Variants in SLC23A1 observed in about 807,000 individuals in gnomAD.
SLC23A1 encodes the protein solute carrier family 23 member 1.
A neutral mutation model predicts 62.5 loss-of-function variants in SLC23A1; 31 were observed. The observed-to-expected ratio is 0.50, with a 90% CI of 0.37 to 0.67. The LOEUF is 0.67. Among genes scored for constraint, SLC23A1 ranks in the 30% least tolerant of loss-of-function variants. SLC23A1 has a pLI of 0.00. For synonymous variants in SLC23A1, 271 were observed against 313.2 expected, an observed-to-expected ratio of 0.87 and a Z score of 1.42; for missense variants, 640 against 782.7, an observed-to-expected ratio of 0.82 and a Z score of 2.18.
upstream of SLC23A1, among the ~76,000 whole-genome samples, chr5:139,385,450 A>G (rs938839209): frequency 1.3e-5 from 2 of 152,154 alleles, no homozygotes; most frequent in African/African-American, 4.8e-5. Context: ...CAGAGTGTGG[A>G]AAATGAACAG....
At chr5:139,368,803 A>G in intron 14 of SLC23A1, 1 of 1,604,898 alleles carries the variant, frequency 6.2e-7, no homozygotes, top group Non-Finnish European at 8.5e-7. Context: ...ATTTGAGTAG[A>G]CGGGGCCCTC....
chr5:139,379,859 C>T lies in SLC23A1; in HGVS notation c.769-25G>A. The stretch of plus-strand genomic sequence containing the variant: ...TCTGAAGGAGGGGGGTGAGGGGGCA[C>T]TGAAGGCACTGGAGGTCTCTGTCCA... On this transcript the variant is annotated intron_variant, in intron 7 of 14. Coordinates refer to ENST00000348729, the MANE Select transcript of SLC23A1 (RefSeq NM_005847.5). This position sits in a 1 kb window ranked among gnomAD's most constrained non-coding sequence, Gnocchi z 4.7. 1 of 1,614,038 alleles carries T rather than the reference C, an allele frequency of 6.2e-7. No homozygotes were observed. Among genetic ancestry groups the T allele is most frequent in the Non-Finnish European group, 8.5e-7 (1 of 1,179,956 alleles).
rs1487065223 is a variant in SLC23A1, at chr5:139,382,538, A to C, written c.104T>G (p.Ile35Ser). 1 of 1,613,576 alleles carries C rather than the reference A, an allele frequency of 6.2e-7. No individual in the cohort carries two copies. Among genetic ancestry groups the C allele is most frequent in the Non-Finnish European group, 8.5e-7 (1 of 1,179,760 alleles). ...TEPKFDMLYK[I>S]EDVPPWYLCI... ...CAGGTACCAAGGTGGCACGTCCTCG[A>C]TCTTGTACAACATGTCAAACTTAGG... Residue 35 changes from isoleucine (I) to serine (S), a missense_variant, in exon 2 of 15, where the codon ATC becomes AGC. By Grantham distance (142) the Ile-to-Ser change is moderately radical. Coordinates refer to ENST00000348729, the MANE Select transcript of SLC23A1 (RefSeq NM_005847.5).
intron 14 of SLC23A1, among the ~76,000 whole-genome samples, chr5:139,368,074 G>T (rs765130924): frequency 2.0e-5 from 3 of 152,182 alleles, no homozygotes; most frequent in Admixed American, 1.3e-4. Context: ...GGTGGCTTAC[G>T]CCTGTAATCC....
rs1208046215 is a variant in SLC23A1, at chr5:139,378,745, T to A, written c.1074-61A>T. The A allele has an allele frequency of 1.6e-6, 2 of 1,282,678 alleles. No individual in the cohort carries two copies. The highest frequency in any genetic ancestry group is 2.2e-6 in the Non-Finnish European group (2 of 900,542). The allele number at this position is 1,282,678 out of a possible 1,614,324, so 79.5% of individuals were successfully genotyped here. A position where few individuals can be genotyped will look rare whatever the true frequency, so the allele number is the denominator to read the frequency against. On this transcript the variant is annotated intron_variant, in intron 9 of 14. Transcript: ENST00000348729. The surrounding 1 kb of genome is among the most constrained non-coding windows in gnomAD (Gnocchi z 4.5). ...CTCTGCACCAGTCTGTGTTCCCCCA[T>A]CATCTTAGCAAGCTGCCGTCCTCTG...
In SLC23A1 at chr5:139,379,111, G is replaced by T; in HGVS notation, c.1073+96C>A. 7.7e-7 allele frequency: 1 copy of T among 1,297,766 alleles called. No individual in the cohort carries two copies. Among genetic ancestry groups the T allele is most frequent in the Non-Finnish European group, 1.1e-6 (1 of 908,080 alleles). 80.4% of individuals were successfully genotyped at this position (1,297,766 alleles called of 1,614,324 possible). On this transcript the variant is annotated intron_variant, in intron 9 of 14. Transcript: ENST00000348729. The surrounding 1 kb of genome is among the most constrained non-coding windows in gnomAD (Gnocchi z 4.7). Reference sequence around the variant, plus strand: ...GAGGTCTGGAGCGTGTTCCCGACTTGCCTAAGCCTACCCCCTGGGCCTCCA... The same window carrying T: ...GAGGTCTGGAGCGTGTTCCCGACTTTCCTAAGCCTACCCCCTGGGCCTCCA...
At position 139,379,510 on chromosome 5, in the gene SLC23A1, GC is replaced by G; in HGVS notation, c.926-157del. ...TGGGAGCTTATTTGAGTCACTCAGA[GC>G]CAGGAAGTGGGACTGAAGCTTTGTC... is the stretch of plus-strand genomic sequence containing the variant. On this transcript the variant is annotated intron_variant, in intron 8 of 14. Coordinates refer to ENST00000348729, the MANE Select transcript of SLC23A1 (RefSeq NM_005847.5). The surrounding 1 kb of genome is among the most constrained non-coding windows in gnomAD (Gnocchi z 4.7). 1 of 1,016,864 alleles carries G rather than the reference GC, an allele frequency of 9.8e-7. No homozygotes were observed. The highest frequency in any genetic ancestry group is 1.5e-6 in the Non-Finnish European group (1 of 660,008). The allele number at this position is 1,016,864 out of a possible 1,614,324, so 63.0% of individuals were successfully genotyped here.
intron 14 of SLC23A1, chr5:139,369,103 G>C (rs1359452265): frequency 4.5e-6 from 1 of 221,204 alleles, no homozygotes. Flanking sequence ...GTCTTTTTTT[G>C]AGGCTAATCT....
At chr5:139,370,470 CTTTATTTATTTATTTATTTA>C (rs70982775) in intron 14 of SLC23A1, among the ~76,000 whole-genome samples, 1 of 140,200 alleles carries the variant, frequency 7.1e-6, no homozygotes, top group African/African-American at 2.6e-5. Context: ...CGCACCCAGC[CTTTATTTATTTATTTATTTA>C]TTTATTTATT....
chr5:139,385,303 A>G (rs1427588438), upstream of SLC23A1, among the ~76,000 whole-genome samples: 1 of 152,240 alleles, frequency 6.6e-6, no homozygotes, highest in Non-Finnish European at 1.5e-5. Context: ...TCCCAGACCT[A>G]GGTGGGGTCC....
At chr5:139,372,830 G>A (rs528076404) in intron 13 of SLC23A1, among the ~76,000 whole-genome samples, 1 of 152,166 alleles carries the variant, frequency 6.6e-6, no homozygotes, top group South Asian at 2.1e-4. Context: ...TGATCTGCCT[G>A]GCTTGGCCTC....
Position 139,367,972 on chromosome 5 carries a change from G to C in SLC23A1, c.*20-341C>G, listed in dbSNP as rs145937119. On this transcript the variant is annotated intron_variant, in intron 14 of 14. Transcript: ENST00000348729. ...TAGTCCCAGCATTTTAGGAGGCCGA[G>C]GCAGGCAGATCACGAGGTCAGATCA... 3.0e-3 allele frequency among the ~76,000 whole-genome samples: 462 copies of C among 152,242 alleles called. 2 individuals are homozygous for C. Among genetic ancestry groups the C allele is most frequent in the Middle Eastern group, 6.8e-3 (2 of 294 alleles).
At position 139,379,336 on chromosome 5, in the gene SLC23A1, G is replaced by A. The variant is rs749501846; in HGVS notation, c.944C>T (p.Thr315Met). 1.7e-5 allele frequency: 27 copies of A among 1,614,036 alleles called. No individual in the cohort carries two copies. The Admixed American group carries it at 2.0e-4, about 12-fold the overall frequency. Residue 315 changes from threonine to methionine, a missense_variant, in exon 9 of 15, where the codon ACG (threonine) becomes ATG (methionine). Coordinates refer to ENST00000348729, the MANE Select transcript of SLC23A1 (RefSeq NM_005847.5). The surrounding 1 kb of genome is among the most constrained non-coding windows in gnomAD (Gnocchi z 4.7). The part of the protein sequence containing the change: ...IPYPCQWGLP[T>M]VTAAAVLGMF... ...TCCCAGGACAGCAGCCGCAGTCACCGTGGGCAGGCCCCACTGACCTGTGCT... is the reference window on the plus strand; with the variant it reads ...TCCCAGGACAGCAGCCGCAGTCACCATGGGCAGGCCCCACTGACCTGTGCT...
In SLC23A1 at chr5:139,378,355, C is replaced by T. The variant is rs772648129; in HGVS notation, c.1180-4G>A. On this transcript the variant is annotated splice_region_variant and splice_polypyrimidine_tract_variant and intron_variant, in intron 10 of 14. Transcript: ENST00000348729. The surrounding 1 kb of genome is among the most constrained non-coding windows in gnomAD (Gnocchi z 4.5). ...GCACCACGCGCCGGCTGCCCACCTG[C>T]CGGGGAGCCAGCGGGGAAGCTAGAC... 4.5e-6 allele frequency: 7 copies of T among 1,558,678 alleles called. No homozygotes were observed. Among genetic ancestry groups the T allele is most frequent in the Non-Finnish European group, 6.1e-6 (7 of 1,152,078 alleles).
chr5:139,378,013 G>A lies in SLC23A1; in HGVS notation c.1415C>T (p.Pro472Leu). 6.2e-7 allele frequency: 1 copy of A among 1,614,002 alleles called. No individual in the cohort carries two copies. The highest frequency in any genetic ancestry group is 1.6e-4 in the Middle Eastern group (1 of 6,062). ...GCCAGGGTTGGACTCCAGGTAATTG[G>A]GCAGCGTGAGCCCGAAGAACATGGA... Reference protein sequence around the residue: ...GFSMFFGLTLPNYLESNPGAI... With the variant: ...GFSMFFGLTLLNYLESNPGAI... Residue 472 changes from proline to leucine, a missense_variant, in exon 12 of 15, where the codon CCC becomes CTC. Coordinates refer to ENST00000348729, the MANE Select transcript of SLC23A1 (RefSeq NM_005847.5). This position sits in a 1 kb window ranked among gnomAD's most constrained non-coding sequence, Gnocchi z 4.5.
intron 13 of SLC23A1, among the ~76,000 whole-genome samples, chr5:139,377,187 T>C (rs1757987215): frequency 6.6e-6 from 1 of 151,892 alleles, no homozygotes; most frequent in Non-Finnish European, 1.5e-5. Context: ...GCAGTGACTC[T>C]TCCGGCCCCA....
chr5:139,381,099 C>T (rs1204993059), intron 3 of SLC23A1, among the ~76,000 whole-genome samples: 1 of 152,240 alleles, frequency 6.6e-6, no homozygotes, highest in East Asian at 1.9e-4. Context: ...AGCTCAAAAC[C>T]TGCCCCCTTC....
chr5:139,379,688 G>C lies in SLC23A1; in HGVS notation c.915C>G (p.Ile305Met), dbSNP rs1758138117. 6.2e-7 allele frequency: 1 copy of C among 1,612,842 alleles called. No individual in the cohort carries two copies. The highest frequency in any genetic ancestry group is 1.7e-5 in the Admixed American group (1 of 59,826). The change falls in exon 8 of 15, where the codon ATC becomes ATG. Residue 305 changes from isoleucine (I) to methionine (M), a missense_variant. Ile to Met is a conservative substitution (Grantham distance 10). Transcript: ENST00000348729. This position sits in a 1 kb window ranked among gnomAD's most constrained non-coding sequence, Gnocchi z 4.7. ...DIMAIAPWIR[I>M]PYPCQWGLPT... The stretch of plus-strand genomic sequence containing the variant: ...AGGGGTGTTGCTCACAGGGGTAGGG[G>C]ATGCGGATCCAGGGTGCAATAGCCA...
rs1758098106 is a variant in SLC23A1, at chr5:139,379,091, C to G, written c.1073+116G>C. ...ATCGCACAAACAAGGAGAATGAGGT[C>G]TGGAGCGTGTTCCCGACTTGCCTAA... On this transcript the variant is annotated intron_variant, in intron 9 of 14. Transcript: ENST00000348729. This position sits in a 1 kb window ranked among gnomAD's most constrained non-coding sequence, Gnocchi z 4.7. The G allele has an allele frequency of 9.8e-7, 1 of 1,022,036 alleles. No homozygotes were observed. Among genetic ancestry groups the G allele is most frequent in the African/African-American group, 1.6e-5 (1 of 63,214 alleles). 63.3% of individuals were successfully genotyped at this position (1,022,036 alleles called of 1,614,324 possible). A position where few individuals can be genotyped will look rare whatever the true frequency, so the allele number is the denominator to read the frequency against.
Sources: gnomAD v4.1 joint callset for allele counts (sites outside exome capture counted in the v4.1 genomes callset) on GRCh38, gnomAD v4.1.1 for gene constraint, Gnocchi (gnomAD v3.1) non-coding constraint, MANE v1.5 for transcripts, NCBI Gene and HGNC (gene_info 2026-07-23, HGNC 2026-07-21) for gene names.